Variants in UGT2B11 observed in about 807,000 individuals in gnomAD.
The protein encoded by UGT2B11 is UDP-glucuronosyltransferase 2B11.
UGT2B11 carries 49 observed loss-of-function variants against 51.7 expected under a neutral mutation model. That is an observed-to-expected ratio of 0.95 (90% CI 0.75 to 1.20). UGT2B11 has a LOEUF of 1.20. Ranked by LOEUF, UGT2B11 falls within the 50% of genes most tolerant of loss-of-function variation. The probability of loss-of-function intolerance (pLI) is 0.00; values close to 1 mark genes in which losing one functional copy is unlikely to be tolerated. For synonymous variants in UGT2B11, 273 were observed against 209.0 expected (o/e 1.31, Z -2.64); for missense variants, 810 against 622.1 (o/e 1.30, Z -3.21).
chr4:69,212,801 T>C, intron 1 of UGT2B11, 80 bp from the exon 2 acceptor site: 1 of 1,479,306 alleles, frequency 6.8e-7, no homozygotes, highest in Non-Finnish European at 8.9e-7. Flanking sequence ...GTTAGAACAA[T>C]GTAAGCAAAG....
upstream of UGT2B11, among the ~76,000 whole-genome samples, chr4:69,219,476 T>G (rs1252833292): frequency 1.4e-5 from 2 of 142,286 alleles, no homozygotes; most frequent in African/African-American, 2.8e-5. Flanking sequence ...GATTTTGTTC[T>G]AGGGTTTTAT....
At chr4:69,220,795 C>T in the UGT2B11 span, among the ~76,000 whole-genome samples, 4 of 152,130 alleles carry the variant, frequency 2.6e-5, no homozygotes, top group African/African-American at 9.6e-5. Flanking sequence ...TGGCAACATT[C>T]TTCTCCTAAG....
intron 2 of UGT2B11, among the ~76,000 whole-genome samples, chr4:69,210,274 T>C (rs1449430608): frequency 6.6e-6 from 1 of 151,608 alleles, no homozygotes; most frequent in Non-Finnish European, 1.5e-5. Flanking sequence ...GTGAATATTT[T>C]CCATAAGGTT....
rs1177967964 is a variant in UGT2B11, at chr4:69,212,668, G to T, written c.775C>A (p.Arg259=). ...GGAAATTGAAAACTCCAGGAGTTTCGCATAAGCCATATGTCAGCTTTTCCC... is the reference window on the plus strand; with the variant it reads ...GGAAATTGAAAACTCCAGGAGTTTCTCATAAGCCATATGTCAGCTTTTCCC... ...TMGKADIWLM[R]NSWSFQFPHP... is the part of the protein sequence containing the mutation. The change falls in exon 2 of 6, where the codon CGA becomes AGA. Residue 259 remains arginine (R), a synonymous_variant. Transcript: ENST00000446444. The T allele has an allele frequency of 6.2e-7, 1 of 1,610,018 alleles. No individual in the cohort carries two copies. Among genetic ancestry groups the T allele is most frequent in the Admixed American group, 1.7e-5 (1 of 59,712 alleles).
chr4:69,214,467 A>G lies in UGT2B11; in HGVS notation c.256T>C (p.Phe86Leu). The change falls in exon 1 of 6, where the codon TTT becomes CTT. Residue 86 changes from phenylalanine to leucine, a missense_variant. By Grantham distance (22) the Phe-to-Leu change is conservative. Coordinates refer to ENST00000446444, the MANE Select transcript of UGT2B11 (RefSeq NM_001073.3). ...ACCTGTTGCATGATGATATTCTCAA[A>G]TTCAGTTTTAGTTAAAGATGTAGGA... ...VYPTSLTKTEFENIIMQQVKR... is the reference protein window; with the variant it reads ...VYPTSLTKTELENIIMQQVKR... 2 of 1,613,272 alleles carry G rather than the reference A, an allele frequency of 1.2e-6. No homozygotes were observed. Among genetic ancestry groups the G allele is most frequent in the Non-Finnish European group, 1.7e-6 (2 of 1,179,526 alleles).
Position 69,214,243 on chromosome 4 carries a change from C to T in UGT2B11, c.480G>A (p.Leu160=). Residue 160 remains leucine, a synonymous_variant, in exon 1 of 6, where the codon CTG becomes CTA. Coordinates refer to ENST00000446444, the MANE Select transcript of UGT2B11 (RefSeq NM_001073.3). Reference sequence around the variant, plus strand: ...CAAACCGTATGTTAAGTAGCGCAGCCAGCAGCTCACCACAGGGAAAAACAG... The same window carrying T: ...CAAACCGTATGTTAAGTAGCGCAGCTAGCAGCTCACCACAGGGAAAAACAG... ...ADAVFPCGEL[L]AALLNIRFVY... The T allele has an allele frequency of 6.2e-7, 1 of 1,613,258 alleles. No individual in the cohort carries two copies. The highest frequency in any genetic ancestry group is 8.5e-7 in the Non-Finnish European group (1 of 1,179,500).
intron 5 of UGT2B11, among the ~76,000 whole-genome samples, chr4:69,201,790 T>C (rs1019210675): frequency 1.3e-5 from 2 of 151,828 alleles, no homozygotes; most frequent in African/African-American, 4.8e-5. Context: ...AAATGATTTA[T>C]ATATCTCATA....
At chr4:69,207,413 C>A (rs1026286143) in intron 3 of UGT2B11, among the ~76,000 whole-genome samples, 10 of 151,626 alleles carry the variant, frequency 6.6e-5, no homozygotes, top group South Asian at 4.1e-4. Context: ...ATTAAAAAGT[C>A]ATTCACAAAT....
At chr4:69,216,946 G>A (rs985095482), upstream of UGT2B11, among the ~76,000 whole-genome samples, 10 of 151,910 alleles carry the variant, frequency 6.6e-5, no homozygotes, top group East Asian at 1.9e-4. Context: ...CAAATAGACC[G>A]TCTTCATTTT....
the UGT2B11 span, among the ~76,000 whole-genome samples, chr4:69,221,650 G>A: frequency 6.6e-6 from 1 of 152,228 alleles, no homozygotes; most frequent in Admixed American, 6.5e-5. Flanking sequence ...TGCAGCTGAG[G>A]AGACGAGAGA....
chr4:69,202,507 C>T (rs558823506), intron 5 of UGT2B11, among the ~76,000 whole-genome samples: 1 of 151,704 alleles, frequency 6.6e-6, no homozygotes, highest in South Asian at 2.1e-4. Context: ...TTGCCCACCA[C>T]ACATCACTTC....
Position 69,214,601 on chromosome 4 carries a change from G to C in UGT2B11, c.122C>G (p.Thr41Arg), listed in dbSNP as rs536264814. ...AEYSHWMNMK[T>R]ILKELVQRGH... ...TCTCTGAACAAGCTCTTTCAGGATT[G>C]TCTTCATATTCATCCAATGGCTGTA... is the stretch of plus-strand genomic sequence containing the variant. The change falls in exon 1 of 6, where the codon ACA (threonine) becomes AGA (arginine). Residue 41 changes from threonine (T) to arginine (R), a missense_variant. Thr to Arg is a moderately conservative substitution (Grantham distance 71). Transcript: ENST00000446444. The C allele has an allele frequency of 3.1e-6, 5 of 1,613,300 alleles. No individual in the cohort carries two copies. The highest frequency in any genetic ancestry group is 1.1e-5 in the South Asian group (1 of 91,062).
chr4:69,207,125 T>C (rs867965752), intron 3 of UGT2B11, among the ~76,000 whole-genome samples: 1 of 151,724 alleles, frequency 6.6e-6, no homozygotes, highest in African/African-American at 2.4e-5. Flanking sequence ...AAAATAAAGC[T>C]AATGAATAAA....
chr4:69,202,233 G>A lies in UGT2B11; in HGVS notation c.1311-1514C>T, dbSNP rs543666466. Among the ~76,000 whole-genome samples the A allele has an allele frequency of 1.1e-3, 173 of 151,724 alleles. No homozygotes were observed. The South Asian group carries it at 0.018, about 16-fold the overall frequency. ...TGGACACTGTTGATAATTCTGTCAC[G>A]AACACTCTGCTATACAGCATGAGAT... On this transcript the variant is annotated intron_variant, in intron 5 of 5. Transcript: ENST00000446444.
chr4:69,203,776 T>C (rs1254967305), intron 5 of UGT2B11, among the ~76,000 whole-genome samples: 1 of 151,752 alleles, frequency 6.6e-6, no homozygotes, highest in African/African-American at 2.4e-5. Flanking sequence ...ATTCCATTTA[T>C]ATGAAATATC....
At chr4:69,208,906 T>G (rs555911302) in intron 2 of UGT2B11, among the ~76,000 whole-genome samples, 1 of 151,848 alleles carries the variant, frequency 6.6e-6, no homozygotes, top group Non-Finnish European at 1.5e-5. Flanking sequence ...GCATGTTTTC[T>G]GTAGAATTCT....
At chr4:69,219,308 T>G (rs1356806676), upstream of UGT2B11, among the ~76,000 whole-genome samples, 1 of 152,190 alleles carries the variant, frequency 6.6e-6, no homozygotes, top group African/African-American at 2.4e-5. Flanking sequence ...TATGTTTTAT[T>G]AATTTGTTTA....
Position 69,200,312 on chromosome 4 carries a change from A to ATTTTTTTTTTT in UGT2B11, c.*117_*127dup, listed in dbSNP as rs11340393. ...TTTACTTGACAAGGTAGATTTGAAA[A>ATTTTTTTTTTT]TTTTTTTTTTTTTTTTTTTTTTGTC... On this transcript the variant is annotated 3_prime_UTR_variant, in exon 6 of 6. Transcript: ENST00000446444. 18 of 818,924 alleles carry ATTTTTTTTTTT rather than the reference A, an allele frequency of 2.2e-5. No homozygotes were observed. The highest frequency in any genetic ancestry group is 1.5e-4 in the African/African-American group (7 of 45,362). The allele number at this position is 818,924 out of a possible 1,614,324, so 50.7% of individuals were successfully genotyped here.
chr4:69,200,500 C>T lies in UGT2B11; in HGVS notation c.1530G>A (p.Lys510=), dbSNP rs757544474. The T allele has an allele frequency of 2.5e-6, 4 of 1,612,040 alleles. No homozygotes were observed. The highest frequency in any genetic ancestry group is 1.7e-4 in the Middle Eastern group (1 of 6,038). ...ACTTCCAGAAACAAAACAGACAAAA[C>T]TTTGTGATGATAAATATCACAGTTG... ...CVATVIFIIT[K]FCLFCFWKFA... is the part of the protein sequence containing the mutation. Residue 510 remains lysine (K), a synonymous_variant, in exon 6 of 6, where the codon AAG becomes AAA. Transcript: ENST00000446444.
Sources: gnomAD v4.1 joint callset for allele counts (sites outside exome capture counted in the v4.1 genomes callset) on GRCh38, gnomAD v4.1.1 for gene constraint, MANE v1.5 for transcripts, NCBI Gene and HGNC (gene_info 2026-07-23, HGNC 2026-07-21) for gene names.